Variants in ZKSCAN2 observed in about 807,000 individuals in gnomAD.
ZKSCAN2 encodes the protein zinc finger protein with KRAB and SCAN domains 2.
A neutral mutation model predicts 90.5 loss-of-function variants in ZKSCAN2; 38 were observed. That is an observed-to-expected ratio of 0.42 (90% CI 0.32 to 0.55). The LOEUF (loss-of-function observed/expected upper bound fraction) is 0.55, where lower values mean the gene tolerates loss of function less well. Among genes scored for constraint, ZKSCAN2 ranks in the 20% least tolerant of loss-of-function variants. The pLI is 0.11. For missense variants in ZKSCAN2, 1,167 were observed against 1,202.6 expected (o/e 0.97, Z 0.44); for synonymous variants, 429 against 421.6 (o/e 1.02, Z -0.22).
At chr16:25,248,282 C>CAAAAAAAAAAA (rs55673563) in intron 4 of ZKSCAN2, among the ~76,000 whole-genome samples, 2 of 23,218 alleles carry the variant, frequency 8.6e-5, no homozygotes, top group African/African-American at 1.6e-4. Flanking sequence ...TTCTATACAG[C>CAAAAAAAAAAA]AAAAAAAAAA....
chr16:25,253,541 G>A (rs1408750506), intron 2 of ZKSCAN2, among the ~76,000 whole-genome samples: 1 of 151,834 alleles, frequency 6.6e-6, no homozygotes, highest in African/African-American at 2.4e-5. Context: ...CAGTATAGTA[G>A]TACTGAATCT....
chr16:25,251,983 A>G lies in ZKSCAN2; in HGVS notation c.731T>C (p.Val244Ala), dbSNP rs538166803. Reference protein sequence around the residue: ...VARGFSYRKSVHQIPAQRDLY... With the variant: ...VARGFSYRKSAHQIPAQRDLY... ...GTCCCTTTGGGCAGGAATCTGATGC[A>G]CACTCTTTCTGTAGGAAAAGCCTCT... Residue 244 changes from valine to alanine, a missense_variant, in exon 4 of 7, where the codon GTG (valine) becomes GCG (alanine). Coordinates refer to ENST00000328086, the MANE Select transcript of ZKSCAN2 (RefSeq NM_001012981.5). 2 of 1,614,050 alleles carry G rather than the reference A, an allele frequency of 1.2e-6. No individual in the cohort carries two copies. The highest frequency in any genetic ancestry group is 1.7e-6 in the Non-Finnish European group (2 of 1,180,032).
At position 25,247,256 on chromosome 16, in the gene ZKSCAN2, T is replaced by C. The variant is rs1351387632; in HGVS notation, c.940A>G (p.Ile314Val). 1.2e-6 allele frequency: 2 copies of C among 1,614,118 alleles called. No homozygotes were observed. The highest frequency in any genetic ancestry group is 8.5e-7 in the Non-Finnish European group (1 of 1,180,038). The change falls in exon 5 of 7, where the codon ATT becomes GTT. Residue 314 changes from isoleucine (I) to valine (V), a missense_variant. Ile to Val is a conservative substitution (Grantham distance 29, BLOSUM62 3). Coordinates refer to ENST00000328086, the MANE Select transcript of ZKSCAN2 (RefSeq NM_001012981.5). The part of the protein sequence containing the change: ...NYVKEKSVHA[I>V]QVPARSAGKT... ...CCTGCACTCCTTGCAGGGACCTGAA[T>C]AGCATGAACTGACTTTTCCTTGACG...
At chr16:25,246,505 C>A in intron 5 of ZKSCAN2, 1 of 605,858 alleles carries the variant, frequency 1.7e-6, no homozygotes, top group Non-Finnish European at 2.9e-6. Context: ...GACTTCTCCA[C>A]GGCCACTTGG....
chr16:25,240,109 T>C lies in ZKSCAN2; in HGVS notation c.2611A>G (p.Ser871Gly), dbSNP rs61742936. The C allele has an allele frequency of 5.6e-3, 9,003 of 1,612,984 alleles. 47 individuals are homozygous for C. Among genetic ancestry groups the C allele is most frequent in the Non-Finnish European group, 5.9e-3 (6,953 of 1,179,746 alleles). The change falls in exon 7 of 7, where the codon AGT becomes GGT. Residue 871 changes from serine (S) to glycine (G), a missense_variant. By Grantham distance (56) the Ser-to-Gly change is moderately conservative (BLOSUM62 0). Transcript: ENST00000328086. ...CTCCGGTGGGCGCTGAAATGAGAAC[T>C]GTTGGTGAAACTTTTCCCACACTCT... ...CGECGKSFTN[S>G]SHFSAHRRVH...
intron 5 of ZKSCAN2, among the ~76,000 whole-genome samples, chr16:25,246,064 G>A (rs1281952747): frequency 2.6e-5 from 4 of 152,014 alleles, no homozygotes. Flanking sequence ...TCTTTTGCAT[G>A]GTGTATCTGT....
intron 2 of ZKSCAN2, among the ~76,000 whole-genome samples, chr16:25,253,439 C>CCTCT (rs151086073): frequency 0.011 from 1,604 of 144,590 alleles, 33 homozygotes; most frequent in African/African-American, 0.038. Context: ...TTTCTCCCTT[C>CCTCT]CTCTCTCTCT....
At chr16:25,247,448 A>G (rs1221267872) in intron 4 of ZKSCAN2, 58 bp from the exon 5 acceptor site, 1 of 1,459,552 alleles carries the variant, frequency 6.9e-7, no homozygotes, top group African/African-American at 1.4e-5. Context: ...GCATGCCTCA[A>G]TCTTCTGCTG....
chr16:25,250,218 A>G (rs1045451928), intron 4 of ZKSCAN2, among the ~76,000 whole-genome samples: 3 of 152,144 alleles, frequency 2.0e-5, no homozygotes, highest in African/African-American at 7.2e-5. Context: ...CTGAGGCAGG[A>G]GAATCGCTTG....
rs1962786355 is a variant in ZKSCAN2, at chr16:25,237,423, A to T, written c.*2393T>A. 1 of 152,226 alleles carries T rather than the reference A, an allele frequency of 6.6e-6. No homozygotes were observed. Among genetic ancestry groups the T allele is most frequent in the African/African-American group, 2.4e-5 (1 of 41,440 alleles). The allele number at this position is 152,226 out of a possible 1,614,324, so 9.4% of individuals were successfully genotyped here. Reference sequence around the variant, plus strand: ...GCTTGCTCCCAGGCATATGAGAGTTAAACAGAATCAGTTTGTCCCACTAGA... The same window carrying T: ...GCTTGCTCCCAGGCATATGAGAGTTTAACAGAATCAGTTTGTCCCACTAGA... On this transcript the variant is annotated 3_prime_UTR_variant, in exon 7 of 7. Transcript: ENST00000328086.
At position 25,256,660 on chromosome 16, in the gene ZKSCAN2, C is replaced by T. The variant is rs550652325; in HGVS notation, c.399+69G>A. 2.0e-6 allele frequency: 3 copies of T among 1,506,444 alleles called. No homozygotes were observed. In the Admixed American group the frequency reaches 6.4e-5, roughly 32 times the overall value. The allele number at this position is 1,506,444 out of a possible 1,614,324, so 93.3% of individuals were successfully genotyped here. A position where few individuals can be genotyped will look rare whatever the true frequency, so the allele number is the denominator to read the frequency against. ...CTGAAGAGCACGTCTTTCTGCAATA[C>T]ATCCCTGCCCACATGCCTTTCCCAT... On this transcript the variant is annotated intron_variant, in intron 1 of 6. Transcript: ENST00000328086.
At chr16:25,247,814 TAAGAG>T (rs1249076613) in intron 4 of ZKSCAN2, among the ~76,000 whole-genome samples, 1 of 152,048 alleles carries the variant, frequency 6.6e-6, no homozygotes, top group Non-Finnish European at 1.5e-5. Context: ...ACTGGGACTA[TAAGAG>T]AAAAGAAGCC....
Position 25,257,565 on chromosome 16 carries a change from C to G in ZKSCAN2, c.-438G>C. Reference sequence around the variant, plus strand: ...GTGGGTGGGGCCGGATGTGCAGGCCCCGCCCGGCGCCAGGTTCCGGGCTCG... The same window carrying G: ...GTGGGTGGGGCCGGATGTGCAGGCCGCGCCCGGCGCCAGGTTCCGGGCTCG... On this transcript the variant is annotated 5_prime_UTR_variant, in exon 1 of 7. Coordinates refer to ENST00000328086, the MANE Select transcript of ZKSCAN2 (RefSeq NM_001012981.5). 1.0e-6 allele frequency: 1 copy of G among 961,588 alleles called. No individual in the cohort carries two copies. The highest frequency in any genetic ancestry group is 1.2e-6 in the Non-Finnish European group (1 of 808,100). The allele number at this position is 961,588 out of a possible 1,614,324, so 59.6% of individuals were successfully genotyped here. A position where few individuals can be genotyped will look rare whatever the true frequency, so the allele number is the denominator to read the frequency against.
In ZKSCAN2 at chr16:25,238,043, T is replaced by C. The variant is rs1962796066; in HGVS notation, c.*1773A>G. ...AACAAATGTAAATCAGAAACATTTA[T>C]CAATGTCTACCTGAGTCACCTGCCT... On this transcript the variant is annotated 3_prime_UTR_variant, in exon 7 of 7. Coordinates refer to ENST00000328086, the MANE Select transcript of ZKSCAN2 (RefSeq NM_001012981.5). 6.6e-6 allele frequency: 1 copy of C among 152,224 alleles called. No individual in the cohort carries two copies. The highest frequency in any genetic ancestry group is 2.1e-4 in the South Asian group (1 of 4,830). 9.4% of individuals were successfully genotyped at this position (152,224 alleles called of 1,614,324 possible).
intron 2 of ZKSCAN2, 33 bp from the exon 3 acceptor site, chr16:25,253,070 G>A: frequency 6.5e-7 from 1 of 1,536,168 alleles, no homozygotes; most frequent in Non-Finnish European, 9.0e-7. Flanking sequence ...TTAGTAATCT[G>A]GGCTTTGACC....
chr16:25,257,549 G>A lies in ZKSCAN2; in HGVS notation c.-422C>T, dbSNP rs1597649301. 2.0e-6 allele frequency: 2 copies of A among 980,892 alleles called. No homozygotes were observed. The highest frequency in any genetic ancestry group is 2.4e-6 in the Non-Finnish European group (2 of 825,418). The allele number at this position is 980,892 out of a possible 1,614,324, so 60.8% of individuals were successfully genotyped here. A position where few individuals can be genotyped will look rare whatever the true frequency, so the allele number is the denominator to read the frequency against. On this transcript the variant is annotated 5_prime_UTR_variant, in exon 1 of 7. Coordinates refer to ENST00000328086, the MANE Select transcript of ZKSCAN2 (RefSeq NM_001012981.5). ...AGAGGCGAGTCCCCGAGTGGGTGGG[G>A]CCGGATGTGCAGGCCCCGCCCGGCG...
chr16:25,248,282 C>CAAAAAA (rs55673563), intron 4 of ZKSCAN2, among the ~76,000 whole-genome samples: 3 of 23,218 alleles, frequency 1.3e-4, no homozygotes, highest in African/African-American at 3.1e-4. Flanking sequence ...TTCTATACAG[C>CAAAAAA]AAAAAAAAAA....
At chr16:25,256,701 T>C (rs774940593) in intron 1 of ZKSCAN2, 28 bp downstream of exon 1, 3 of 1,581,884 alleles carry the variant, frequency 1.9e-6, no homozygotes, top group East Asian at 2.2e-5. Context: ...TTTTTCTAAG[T>C]ACAAAAATTT....
At chr16:25,247,891 T>G (rs1301889652) in intron 4 of ZKSCAN2, among the ~76,000 whole-genome samples, 1 of 152,126 alleles carries the variant, frequency 6.6e-6, no homozygotes, top group African/African-American at 2.4e-5. Flanking sequence ...GGTACTGGTA[T>G]GAAAACAGAC....
Sources: gnomAD v4.1 joint callset for allele counts (sites outside exome capture counted in the v4.1 genomes callset) on GRCh38, gnomAD v4.1.1 for gene constraint, MANE v1.5 for transcripts, NCBI Gene and HGNC (gene_info 2026-07-23, HGNC 2026-07-21) for gene names.